Variants in TASP1 observed in about 807,000 individuals in gnomAD.
TASP1 encodes the protein taspase 1.
In TASP1, 16 loss-of-function variants were observed where a neutral mutation model predicts 56.6. The ratio of observed to expected loss-of-function variants is 0.28; its 90% CI spans 0.19 to 0.43. TASP1 has a LOEUF of 0.43. Among genes scored for constraint, TASP1 ranks in the 20% least tolerant of loss-of-function variants. The probability of loss-of-function intolerance (pLI) is 1.00; values close to 1 mark genes in which losing one functional copy is unlikely to be tolerated. For synonymous variants in TASP1, 179 were observed against 184.2 expected, an observed-to-expected ratio of 0.97 and a Z score of 0.23; for missense variants, 393 against 511.6, an observed-to-expected ratio of 0.77 and a Z score of 2.24.
chr20:13,562,946 TGTTGTGTA>T, intron 7 of TASP1, among the ~76,000 whole-genome samples: 2 of 144,816 alleles, frequency 1.4e-5, no homozygotes, highest in Middle Eastern at 7.4e-3. Context: ...TGTGTGTGTG[TGTTGTGTA>T]TGTGTATACG....
At chr20:13,381,039 G>A in the TASP1 span, among the ~76,000 whole-genome samples, 2 of 152,176 alleles carry the variant, frequency 1.3e-5, no homozygotes, top group Non-Finnish European at 2.9e-5. Flanking sequence ...TGCCGAGCTA[G>A]ACCACTTGGC....
chr20:13,293,872 G>T, the TASP1 span, among the ~76,000 whole-genome samples: 14 of 152,082 alleles, frequency 9.2e-5, no homozygotes. Context: ...TACTCTGGAG[G>T]CTGAGGCAGG....
chr20:13,505,394 T>A (rs1211144824), intron 10 of TASP1, among the ~76,000 whole-genome samples: 1 of 152,136 alleles, frequency 6.6e-6, no homozygotes, highest in African/African-American at 2.4e-5. Context: ...GAACTATATG[T>A]TAGATCTAAT....
At chr20:13,285,385 G>A in the TASP1 span, among the ~76,000 whole-genome samples, 1 of 152,228 alleles carries the variant, frequency 6.6e-6, no homozygotes, top group Non-Finnish European at 1.5e-5. Context: ...GGGTTGTCTG[G>A]ACTCTTCTGG....
the TASP1 span, among the ~76,000 whole-genome samples, chr20:13,172,825 A>G: frequency 1.3e-5 from 2 of 152,236 alleles, no homozygotes; most frequent in African/African-American, 2.4e-5. Context: ...AAAGAAAGAC[A>G]TAGTATCCAG....
chr20:13,129,565 G>C, the TASP1 span, among the ~76,000 whole-genome samples: 1 of 152,232 alleles, frequency 6.6e-6, no homozygotes, highest in African/African-American at 2.4e-5. Flanking sequence ...CTAGGAAAAA[G>C]TTATTCTAGA....
At chr20:13,389,173 C>G (rs978308039), downstream of TASP1, among the ~76,000 whole-genome samples, 2 of 152,184 alleles carry the variant, frequency 1.3e-5, no homozygotes, top group African/African-American at 4.8e-5. Context: ...GCAAAGTGTT[C>G]TTATTCTTTC....
chr20:13,114,920 A>G, the TASP1 span, among the ~76,000 whole-genome samples: 3 of 152,226 alleles, frequency 2.0e-5, no homozygotes, highest in African/African-American at 4.8e-5. Flanking sequence ...CTAAGACATT[A>G]TGTAATAGAA....
intron 13 of TASP1, among the ~76,000 whole-genome samples, chr20:13,416,398 C>A (rs1263502620): frequency 6.6e-6 from 1 of 152,060 alleles, no homozygotes; most frequent in South Asian, 2.1e-4. Context: ...TGGATCTCAG[C>A]AAAATTTTCA....
chr20:13,559,160 AT>A, intron 7 of TASP1, 46 bp from the exon 8 acceptor site: 1 of 1,215,862 alleles, frequency 8.2e-7, no homozygotes, highest in Non-Finnish European at 1.1e-6. Flanking sequence ...TTTAAGAAAT[AT>A]TAGGGCAATG....
the TASP1 span, among the ~76,000 whole-genome samples, chr20:13,132,302 G>A: frequency 6.7e-6 from 1 of 149,490 alleles, no homozygotes; most frequent in East Asian, 2.0e-4. Flanking sequence ...TCAGCCTCCT[G>A]AGTAGCTGGG....
the TASP1 span, among the ~76,000 whole-genome samples, chr20:13,360,137 C>T: frequency 1.3e-5 from 2 of 152,012 alleles, no homozygotes; most frequent in African/African-American, 4.8e-5. Flanking sequence ...TGGTGCCAAA[C>T]CCATATACTC....
chr20:13,147,292 C>T, the TASP1 span, among the ~76,000 whole-genome samples: 1 of 152,206 alleles, frequency 6.6e-6, no homozygotes, highest in Non-Finnish European at 1.5e-5. Context: ...TAGCAAACCA[C>T]TCCAAATGTT....
the TASP1 span, among the ~76,000 whole-genome samples, chr20:13,215,193 A>G: frequency 6.6e-6 from 1 of 152,212 alleles, no homozygotes; most frequent in Non-Finnish European, 1.5e-5. Flanking sequence ...GCTGCTACCA[A>G]GTCCCTGTGC....
chr20:13,295,248 C>G, the TASP1 span, among the ~76,000 whole-genome samples: 1 of 152,182 alleles, frequency 6.6e-6, no homozygotes, highest in South Asian at 2.1e-4. Context: ...CTCACCTGGA[C>G]CCTCCCCATC....
chr20:13,339,456 TG>T, the TASP1 span, among the ~76,000 whole-genome samples: 1 of 152,224 alleles, frequency 6.6e-6, no homozygotes. Flanking sequence ...GCAGCCACTT[TG>T]TCAATTAAAG....
intron 11 of TASP1, among the ~76,000 whole-genome samples, chr20:13,479,547 C>G (rs2043061609): frequency 6.6e-6 from 1 of 151,254 alleles, no homozygotes; most frequent in Non-Finnish European, 1.5e-5. Context: ...ACTGCAATCT[C>G]TGCCTCCCAT....
chr20:13,299,911 A>G, the TASP1 span: 1 of 155,778 alleles, frequency 6.4e-6, no homozygotes, highest in Non-Finnish European at 1.4e-5. This position sits in a 1 kb window ranked among gnomAD's most constrained non-coding sequence, Gnocchi z 5.8. Context: ...GGTGAAACTA[A>G]TCACGTCTGT....
At chr20:13,204,858 G>A in the TASP1 span, among the ~76,000 whole-genome samples, 1 of 152,120 alleles carries the variant, frequency 6.6e-6, no homozygotes, top group African/African-American at 2.4e-5. Context: ...CTTCTGACTG[G>A]AAGGAGGAAC....
Sources: allele counts gnomAD v4.1 joint callset (sites outside exome capture counted in the v4.1 genomes callset), GRCh38; gene constraint gnomAD v4.1.1; non-coding constraint Gnocchi (gnomAD v3.1); transcripts MANE v1.5; gene names NCBI Gene and HGNC (gene_info 2026-07-23, HGNC 2026-07-21).